The following MGST1 variants were observed in gnomAD, a reference collection of about 807,000 sequenced individuals.
MGST1 encodes the protein glutathione S-transferase 12.
MGST1 carries 5 observed loss-of-function variants against 8.9 expected under a neutral mutation model. That is an observed-to-expected ratio of 0.56 (90% confidence interval 0.29 to 1.19). The LOEUF is 1.19. MGST1 is among the 50% of genes most tolerant of loss of function. The pLI, the probability that MGST1 is intolerant of heterozygous loss-of-function variation, is 0.08. For missense variants in MGST1, 182 were observed against 187.4 expected, an observed-to-expected ratio of 0.97 and a Z score of 0.17; for synonymous variants, 54 against 67.8, an observed-to-expected ratio of 0.80 and a Z score of 1.00.
chr12:16,454,902 A>AAAAAAAAAAAAAAAAAAG (rs1555104768), intron 4 of MGST1, among the ~76,000 whole-genome samples: 5 of 125,996 alleles, frequency 4.0e-5, no homozygotes, highest in African/African-American at 1.6e-4. Flanking sequence ...AAAAAAAAAA[A>AAAAAAAAAAAAAAAAAAG]AAGGAGATGG....
chr12:16,464,450 G>T (rs370009232), intron 4 of MGST1, among the ~76,000 whole-genome samples: 20 of 152,268 alleles, frequency 1.3e-4, no homozygotes, highest in East Asian at 1.2e-3. Context: ...ATAATAATAT[G>T]ATTGAAAAAT....
intron 4 of MGST1, among the ~76,000 whole-genome samples, chr12:16,528,095 A>C (rs1455749375): frequency 6.6e-6 from 1 of 152,064 alleles, no homozygotes; most frequent in African/African-American, 2.4e-5. Flanking sequence ...TTGAATGAGC[A>C]GGTGCTGTAG....
chr12:16,375,904 C>T (rs1482510473), intron 3 of MGST1, among the ~76,000 whole-genome samples: 1 of 151,722 alleles, frequency 6.6e-6, no homozygotes, highest in East Asian at 1.9e-4. Flanking sequence ...GTCAAAAGGA[C>T]TCTAGACTAA....
intron 1 of MGST1, among the ~76,000 whole-genome samples, chr12:16,437,152 A>C (rs1427279993): frequency 6.6e-6 from 1 of 151,920 alleles, no homozygotes; most frequent in Non-Finnish European, 1.5e-5. Flanking sequence ...AATGTTAGTA[A>C]GATTAGAACA....
intron 1 of MGST1, among the ~76,000 whole-genome samples, chr12:16,418,719 T>C (rs1412610325): frequency 6.6e-6 from 1 of 152,178 alleles, no homozygotes; most frequent in Admixed American, 6.5e-5. Context: ...TTAACCTTTG[T>C]GTGCCTTGGT....
chr12:16,376,934 T>C (rs2137033513), exon 4 of MGST1: 1 of 152,250 alleles, frequency 6.6e-6, no homozygotes, highest in East Asian at 1.9e-4. Context: ...ATTACTATAC[T>C]GTTCTCATTC....
chr12:16,471,570 G>T (rs1941289799), intron 4 of MGST1, among the ~76,000 whole-genome samples: 1 of 152,092 alleles, frequency 6.6e-6, no homozygotes, highest in African/African-American at 2.4e-5. Flanking sequence ...GGAAATTTAG[G>T]CTGTATAGCA....
intron 1 of MGST1, among the ~76,000 whole-genome samples, chr12:16,397,168 A>C (rs1940612633): frequency 6.6e-6 from 1 of 152,252 alleles, no homozygotes; most frequent in South Asian, 2.1e-4. Flanking sequence ...ACAAAAACAT[A>C]AAGTGGGGAA....
intron 4 of MGST1, among the ~76,000 whole-genome samples, chr12:16,535,228 TG>T (rs1338083300): frequency 1.3e-5 from 2 of 152,174 alleles, no homozygotes; most frequent in Admixed American, 1.3e-4. Context: ...CACCCTAGGG[TG>T]GGATCCAAAA....
chr12:16,348,026 T>C (rs1939278405), intron 1 of MGST1: 1 of 152,080 alleles, frequency 6.6e-6, no homozygotes. Flanking sequence ...CCTTGAACTC[T>C]GGGGAAGGAG....
rs1335772095 is a variant in MGST1 at position 16,584,615 on chromosome 12, G to A, written n.483-4913G>A. Among the ~76,000 whole-genome samples the A allele has an allele frequency of 2.6e-5, 4 of 152,156 alleles. No homozygotes were observed. Among genetic ancestry groups the A allele is most frequent in the Non-Finnish European group, 5.9e-5 (4 of 68,018 alleles). ...GGGGTAAGAGGCCTGTTTAGAGGTG[G>A]ATGGCCTCAGATGTCTTAGCTTTGG... On this transcript the variant is annotated intron_variant and non_coding_transcript_variant, in intron 4 of 4. Transcript: ENST00000538857. This position sits in a 1 kb window ranked among gnomAD's most constrained non-coding sequence, Gnocchi z 5.2.
At chr12:16,527,135 T>G (rs1021808860) in intron 4 of MGST1, among the ~76,000 whole-genome samples, 2 of 152,004 alleles carry the variant, frequency 1.3e-5, no homozygotes, top group African/African-American at 2.4e-5. Context: ...TTGACCCATC[T>G]TAAATGTCTA....
chr12:16,360,470 T>A (rs539173370), intron 3 of MGST1: 1 of 631,042 alleles, frequency 1.6e-6, no homozygotes, highest in African/African-American at 2.0e-5. Flanking sequence ...TACCAAGATA[T>A]GTGACTTAAA....
chr12:16,570,881 C>G (rs1942791208), intron 4 of MGST1, among the ~76,000 whole-genome samples: 1 of 152,018 alleles, frequency 6.6e-6, no homozygotes, highest in South Asian at 2.1e-4. Context: ...AACATTTCTT[C>G]TAGGGTTAAT....
At chr12:16,493,542 C>T (rs1335517929) in intron 4 of MGST1, among the ~76,000 whole-genome samples, 5 of 152,148 alleles carry the variant, frequency 3.3e-5, no homozygotes, top group Non-Finnish European at 7.4e-5. Context: ...TAGCCACCTT[C>T]AATTGGCCAA....
downstream of MGST1, among the ~76,000 whole-genome samples, chr12:16,439,558 C>T (rs1941021304): frequency 6.6e-6 from 1 of 151,846 alleles, no homozygotes; most frequent in African/African-American, 2.4e-5. Context: ...TGTCCCCAAA[C>T]ACTGGTGGTG....
At chr12:16,505,556 A>T (rs528039071) in intron 4 of MGST1, among the ~76,000 whole-genome samples, 1 of 152,182 alleles carries the variant, frequency 6.6e-6, no homozygotes, top group Non-Finnish European at 1.5e-5. Context: ...CTTTCTTCCG[A>T]GATATACCAA....
chr12:16,502,031 C>A (rs1941508465), intron 4 of MGST1, among the ~76,000 whole-genome samples: 1 of 152,064 alleles, frequency 6.6e-6, no homozygotes, highest in Non-Finnish European at 1.5e-5. Context: ...TACTGAGAAG[C>A]AATGTCTACA....
At chr12:16,348,693 C>A (rs1013905884) in intron 1 of MGST1, among the ~76,000 whole-genome samples, 4 of 151,854 alleles carry the variant, frequency 2.6e-5, no homozygotes, top group African/African-American at 9.7e-5. Context: ...TCCCAGCCTA[C>A]ACCTACCTTT....
Sources: allele counts gnomAD v4.1 joint callset (sites outside exome capture counted in the v4.1 genomes callset), GRCh38; gene constraint gnomAD v4.1.1; non-coding constraint Gnocchi (gnomAD v3.1); transcripts MANE v1.5; gene names NCBI Gene and HGNC (gene_info 2026-07-23, HGNC 2026-07-21).